The following PTPRT variants were observed in gnomAD, a reference collection of about 807,000 sequenced individuals.
PTPRT encodes receptor-type tyrosine-protein phosphatase T.
A neutral mutation model predicts 176.8 loss-of-function variants in PTPRT; 56 were observed. That is an observed-to-expected ratio of 0.32 (90% CI 0.26 to 0.40). The LOEUF is 0.40. Ranked by LOEUF, PTPRT falls within the 10% of genes least tolerant of loss-of-function variation. The pLI is 1.00. For synonymous variants in PTPRT, 783 were observed against 739.0 expected (o/e 1.06, Z -0.96); for missense variants, 1,540 against 1,908.2 (o/e 0.81, Z 3.60).
rs1234565014 is a variant in PTPRT, at chr20:42,618,137, G to A, written c.1153+59729C>T. Among the ~76,000 whole-genome samples, 37 of 134,518 alleles carry A rather than the reference G, an allele frequency of 2.8e-4. 9 individuals carry two copies. The highest frequency in any genetic ancestry group is 4.3e-4 in the African/African-American group (13 of 30,262). The allele number at this position is 134,518 out of a possible 152,430, so 88.2% of individuals were successfully genotyped here. A position where few individuals can be genotyped will look rare whatever the true frequency, so the allele number is the denominator to read the frequency against. On this transcript the variant is annotated intron_variant, in intron 7 of 30. Coordinates refer to ENST00000373187, the MANE Select transcript of PTPRT (RefSeq NM_007050.6). ...TGCGTCCCAGAGATTCTGGTATGTC[G>A]TGTCTTTGTTCTCGTTGGTTTCAAA...
chr20:42,212,001 C>A (rs2055644073), intron 15 of PTPRT, among the ~76,000 whole-genome samples: 1 of 149,118 alleles, frequency 6.7e-6, no homozygotes, highest in Non-Finnish European at 1.5e-5. Flanking sequence ...TTTGTAGGGA[C>A]ATGGATGAAA....
chr20:42,935,196 G>T (rs1980110880), intron 1 of PTPRT, among the ~76,000 whole-genome samples: 1 of 120,156 alleles, frequency 8.3e-6, no homozygotes, highest in Non-Finnish European at 1.6e-5. Flanking sequence ...CTGGAGTGCA[G>T]TGGCATGATC....
At chr20:42,570,361 C>A (rs568856319) in intron 7 of PTPRT, among the ~76,000 whole-genome samples, 1 of 152,210 alleles carries the variant, frequency 6.6e-6, no homozygotes, top group African/African-American at 2.4e-5. Flanking sequence ...AATCAGCAAC[C>A]AAATCCACCA....
Position 42,469,796 on chromosome 20 carries a change from T to C in PTPRT, c.1450+2470A>G, listed in dbSNP as rs115477153. Among the ~76,000 whole-genome samples, 516 of 152,060 alleles carry C rather than the reference T, an allele frequency of 3.4e-3. 4 individuals carry two copies. The highest frequency in any genetic ancestry group is 0.014 in the Middle Eastern group (4 of 294). ...GTAAGGGAGGGATGGATCATCAAAGTAGACTGTGTAAAACTTCCAGATCTA... is the reference window on the plus strand; with the variant it reads ...GTAAGGGAGGGATGGATCATCAAAGCAGACTGTGTAAAACTTCCAGATCTA... On this transcript the variant is annotated intron_variant, in intron 8 of 30. Transcript: ENST00000373187.
chr20:42,998,318 C>A (rs966508881), intron 1 of PTPRT, among the ~76,000 whole-genome samples: 2 of 152,156 alleles, frequency 1.3e-5, no homozygotes, highest in Non-Finnish European at 2.9e-5. Context: ...CCACTGGAAC[C>A]TGCATCAGCA....
intron 1 of PTPRT, among the ~76,000 whole-genome samples, chr20:43,091,756 A>G (rs958579182): frequency 2.0e-5 from 3 of 152,188 alleles, no homozygotes; most frequent in Admixed American, 6.5e-5. Context: ...AGCAGCCCCA[A>G]GATGATGATG....
At chr20:42,848,481 C>G (rs528054201) in intron 2 of PTPRT, among the ~76,000 whole-genome samples, 2 of 152,276 alleles carry the variant, frequency 1.3e-5, no homozygotes, top group East Asian at 3.9e-4. Flanking sequence ...CCACCAACAT[C>G]TATTATTTTT....
chr20:42,874,625 C>T (rs192702322), intron 2 of PTPRT, among the ~76,000 whole-genome samples: 353 of 152,270 alleles, frequency 2.3e-3, no homozygotes, highest in Admixed American at 6.7e-3. Context: ...TGGATCCAGA[C>T]GGCCTGAATT....
intron 15 of PTPRT, among the ~76,000 whole-genome samples, chr20:42,222,127 C>T (rs915505886): frequency 1.3e-5 from 2 of 152,184 alleles, no homozygotes; most frequent in Non-Finnish European, 2.9e-5. Flanking sequence ...GTAATACTTA[C>T]CAGCCTCTTT....
At chr20:42,608,973 G>T (rs2073928936) in intron 7 of PTPRT, among the ~76,000 whole-genome samples, 1 of 152,162 alleles carries the variant, frequency 6.6e-6, no homozygotes, top group Admixed American at 6.5e-5. Context: ...CCATCACAGG[G>T]AAGGACGTCA....
intron 1 of PTPRT, among the ~76,000 whole-genome samples, chr20:42,897,894 C>T (rs2079331652): frequency 6.6e-6 from 1 of 152,088 alleles, no homozygotes; most frequent in African/African-American, 2.4e-5. Flanking sequence ...GTAGTCAGTG[C>T]CAAGTTGTGT....
intron 1 of PTPRT, among the ~76,000 whole-genome samples, chr20:43,130,615 G>T (rs1362408761): frequency 6.6e-6 from 1 of 151,958 alleles, no homozygotes; most frequent in African/African-American, 2.4e-5. Context: ...AAAAAAATTG[G>T]GGTGGAGAAC....
intron 13 of PTPRT, among the ~76,000 whole-genome samples, chr20:42,252,807 C>G (rs928922641): frequency 6.6e-6 from 1 of 152,184 alleles, no homozygotes; most frequent in Non-Finnish European, 1.5e-5. Context: ...AAGTCCAGAG[C>G]CTAGAGGTTT....
intron 2 of PTPRT, among the ~76,000 whole-genome samples, chr20:42,859,733 G>T (rs2078628333): frequency 6.6e-6 from 1 of 151,394 alleles, no homozygotes; most frequent in Non-Finnish European, 1.5e-5. Flanking sequence ...ACAGGCACCT[G>T]GCACCATGGC....
At chr20:42,367,724 G>C (rs2058534211) in intron 9 of PTPRT, among the ~76,000 whole-genome samples, 1 of 152,136 alleles carries the variant, frequency 6.6e-6, no homozygotes, top group African/African-American at 2.4e-5. Flanking sequence ...ATGGAGGTGA[G>C]GGAATTAGCT....
At chr20:42,833,373 A>G (rs548944855) in intron 2 of PTPRT, among the ~76,000 whole-genome samples, 24 of 151,700 alleles carry the variant, frequency 1.6e-4, no homozygotes, top group Admixed American at 5.3e-4. Flanking sequence ...AGAATTTGAG[A>G]GCAGCCTGGA....
At chr20:42,878,643 T>C (rs1392498185) in intron 2 of PTPRT, among the ~76,000 whole-genome samples, 1 of 152,194 alleles carries the variant, frequency 6.6e-6, no homozygotes, top group Non-Finnish European at 1.5e-5. Flanking sequence ...ACTCATGGGA[T>C]GGTGGGACAT....
chr20:42,229,539 T>C (rs968086021), intron 15 of PTPRT, among the ~76,000 whole-genome samples: 3 of 152,260 alleles, frequency 2.0e-5, no homozygotes, highest in African/African-American at 7.2e-5. Context: ...TTTAAATATA[T>C]TGAAGCAATG....
intron 7 of PTPRT, among the ~76,000 whole-genome samples, chr20:42,622,636 G>C (rs11699599): frequency 0.21 from 31,524 of 152,124 alleles, 4,542 homozygotes; most frequent in African/African-American, 0.41. Context: ...AATTACAATT[G>C]CTAGTACAGT....
Sources: gnomAD v4.1 joint callset for allele counts (sites outside exome capture counted in the v4.1 genomes callset) on GRCh38, gnomAD v4.1.1 for gene constraint, MANE v1.5 for transcripts, NCBI Gene and HGNC (gene_info 2026-07-23, HGNC 2026-07-21) for gene names.